Variants in ARHGAP42 observed in about 807,000 individuals in gnomAD.
The protein encoded by ARHGAP42 is rho GTPase-activating protein 42.
In ARHGAP42, 63 loss-of-function variants were observed where a neutral mutation model predicts 125.0. That is an observed-to-expected ratio of 0.50 (90% CI 0.41 to 0.62). The LOEUF (loss-of-function observed/expected upper bound fraction) is 0.62. ARHGAP42 is among the 20% of genes least tolerant of loss of function. The pLI is 0.00. For synonymous variants in ARHGAP42, 339 were observed against 351.0 expected (o/e 0.97, Z 0.38); for missense variants, 766 against 1,024.2 (o/e 0.75, Z 3.44).
At chr11:100,839,806 T>G (rs1255929541) in intron 3 of ARHGAP42, 1 of 152,168 alleles carries the variant, frequency 6.6e-6, no homozygotes, top group Non-Finnish European at 1.5e-5. Flanking sequence ...GGAGGACCAG[T>G]CTCGGTCAAG....
chr11:100,963,232 A>G (rs1336890136), intron 16 of ARHGAP42, among the ~76,000 whole-genome samples: 3 of 152,230 alleles, frequency 2.0e-5, no homozygotes, highest in Admixed American at 2.0e-4. Flanking sequence ...TTTATTTGCA[A>G]TGATCACATT....
At chr11:100,934,006 C>T (rs1420301572) in intron 7 of ARHGAP42, among the ~76,000 whole-genome samples, 3 of 152,056 alleles carry the variant, frequency 2.0e-5, no homozygotes, top group Admixed American at 1.3e-4. Flanking sequence ...AGGCTGGTCT[C>T]GAACTCCCGA....
intron 4 of ARHGAP42, among the ~76,000 whole-genome samples, chr11:100,889,255 A>G (rs1294657135): frequency 6.6e-6 from 1 of 152,194 alleles, no homozygotes; most frequent in African/African-American, 2.4e-5. Context: ...TCAATCTCCA[A>G]TGCAGTAATG....
chr11:100,718,130 T>TA (rs1196457983), intron 1 of ARHGAP42, among the ~76,000 whole-genome samples: 1 of 152,192 alleles, frequency 6.6e-6, no homozygotes, highest in Non-Finnish European at 1.5e-5. Flanking sequence ...AGCATGTATA[T>TA]AGTGAAGCCT....
chr11:100,870,026 A>G (rs1170881762), intron 4 of ARHGAP42, among the ~76,000 whole-genome samples: 1 of 152,208 alleles, frequency 6.6e-6, no homozygotes, highest in African/African-American at 2.4e-5. Context: ...ACTGTGCAAT[A>G]CAGTGGAGCC....
At chr11:100,789,273 A>G (rs920226018) in intron 2 of ARHGAP42, among the ~76,000 whole-genome samples, 1 of 152,208 alleles carries the variant, frequency 6.6e-6, no homozygotes, top group Non-Finnish European at 1.5e-5. Flanking sequence ...ACTTCTATAG[A>G]TTTTTAAGTT....
chr11:100,771,179 A>G (rs1242313850), intron 2 of ARHGAP42, among the ~76,000 whole-genome samples: 1 of 152,194 alleles, frequency 6.6e-6, no homozygotes, highest in African/African-American at 2.4e-5. Flanking sequence ...ATTACTGCGG[A>G]TCAGGAGACT....
intron 1 of ARHGAP42, among the ~76,000 whole-genome samples, chr11:100,756,702 A>T (rs1715860808): frequency 6.6e-6 from 1 of 152,196 alleles, no homozygotes; most frequent in Non-Finnish European, 1.5e-5. Flanking sequence ...TGTCTTCCAA[A>T]GTTTGGAAAG....
At position 100,709,212 on chromosome 11, in the gene ARHGAP42, G is replaced by T. The variant is rs1017575811; in HGVS notation, c.154+21380G>T. ...ATGTCACTACGCCCAGCTAATTTTT[G>T]TATTTTTAGTAGAGACGGCGTTTCA... On this transcript the variant is annotated intron_variant, in intron 1 of 23. Coordinates refer to ENST00000298815, the MANE Select transcript of ARHGAP42 (RefSeq NM_152432.4). Among the ~76,000 whole-genome samples, 4 of 152,216 alleles carry T rather than the reference G, an allele frequency of 2.6e-5. No homozygotes were observed. The South Asian group carries it at 8.3e-4, about 32-fold the overall frequency.
In ARHGAP42 at chr11:100,977,308, C is replaced by G. The variant is rs142553810; in HGVS notation, c.2393+337C>G. Among the ~76,000 whole-genome samples the G allele has an allele frequency of 2.7e-3, 416 of 152,310 alleles. 1 individual carries two copies. Among genetic ancestry groups the G allele is most frequent in the African/African-American group, 9.5e-3 (394 of 41,576 alleles). ...CCCATTAAAAGCTAAACATCCATCTCTCCGCTGAAGAGACTGCCACGCATT... is the reference window on the plus strand; with the variant it reads ...CCCATTAAAAGCTAAACATCCATCTGTCCGCTGAAGAGACTGCCACGCATT... On this transcript the variant is annotated intron_variant, in intron 21 of 23. Transcript: ENST00000298815.
chr11:100,828,818 G>T (rs1287966143), intron 3 of ARHGAP42, among the ~76,000 whole-genome samples: 1 of 151,872 alleles, frequency 6.6e-6, no homozygotes, highest in African/African-American at 2.4e-5. Flanking sequence ...CTCCCAAAGT[G>T]CTGTGATTAC....
chr11:100,770,997 G>A (rs567092322), intron 2 of ARHGAP42, among the ~76,000 whole-genome samples: 7 of 152,220 alleles, frequency 4.6e-5, no homozygotes, highest in South Asian at 4.1e-4. Context: ...TGAATTATTC[G>A]TTCAAACAAA....
chr11:100,747,750 G>A (rs1344779918), intron 1 of ARHGAP42, among the ~76,000 whole-genome samples: 3 of 152,088 alleles, frequency 2.0e-5, no homozygotes, highest in South Asian at 2.1e-4. Flanking sequence ...CACATAAACT[G>A]TTTCTTCAAT....
At chr11:100,961,309 C>A (rs1426117673) in intron 14 of ARHGAP42, among the ~76,000 whole-genome samples, 1 of 152,020 alleles carries the variant, frequency 6.6e-6, no homozygotes, top group African/African-American at 2.4e-5. Flanking sequence ...ATTTGCTTAA[C>A]GTCTTTGTGT....
intron 4 of ARHGAP42, among the ~76,000 whole-genome samples, chr11:100,893,108 G>A (rs1304048379): frequency 1.3e-5 from 2 of 151,586 alleles, no homozygotes; most frequent in Non-Finnish European, 2.9e-5. Flanking sequence ...GAGAGTTGAG[G>A]GATCATTTTA....
At chr11:100,893,583 A>G (rs1866275436) in intron 4 of ARHGAP42, among the ~76,000 whole-genome samples, 1 of 152,192 alleles carries the variant, frequency 6.6e-6, no homozygotes, top group Non-Finnish European at 1.5e-5. Flanking sequence ...CTGAAAGGAA[A>G]ATTTCTTCAA....
At chr11:100,957,108 A>G (rs762278058) in intron 12 of ARHGAP42, among the ~76,000 whole-genome samples, 4 of 152,142 alleles carry the variant, frequency 2.6e-5, no homozygotes, top group South Asian at 2.1e-4. Flanking sequence ...AAACAGTGCT[A>G]TGAAGAAGAT....
intron 4 of ARHGAP42, among the ~76,000 whole-genome samples, chr11:100,877,898 G>A (rs1344567463): frequency 3.3e-5 from 5 of 150,746 alleles, no homozygotes; most frequent in Admixed American, 1.3e-4. Flanking sequence ...CCAGCTACTC[G>A]AGAGGCTGAA....
At chr11:100,799,941 G>C (rs1165720580) in intron 3 of ARHGAP42, among the ~76,000 whole-genome samples, 1 of 152,130 alleles carries the variant, frequency 6.6e-6, no homozygotes, top group Admixed American at 6.5e-5. Flanking sequence ...ATGAAGGAGT[G>C]GTTATTTAAT....
Sources: allele counts gnomAD v4.1 joint callset (sites outside exome capture counted in the v4.1 genomes callset), GRCh38; gene constraint gnomAD v4.1.1; transcripts MANE v1.5; gene names NCBI Gene and HGNC (gene_info 2026-07-23, HGNC 2026-07-21).